Variants in AMY2A observed in about 807,000 individuals in gnomAD.
The protein encoded by AMY2A is pancreatic alpha-amylase.
In AMY2A, 16 loss-of-function variants were observed where a neutral mutation model predicts 43.0. The ratio of observed to expected loss-of-function variants is 0.37; its 90% confidence interval spans 0.25 to 0.56. The LOEUF (loss-of-function observed/expected upper bound fraction) is 0.56. Among genes scored for constraint, AMY2A ranks in the 20% least tolerant of loss-of-function variants. AMY2A has a pLI of 0.77. For synonymous variants in AMY2A, 70 were observed against 144.6 expected (o/e 0.48, Z 3.70); for missense variants, 212 against 456.8 (o/e 0.46, Z 4.89).
In AMY2A at chr1:103,618,006, G is replaced by C. The variant is rs751752481; in HGVS notation, c.221G>C (p.Trp74Ser). Residue 74 changes from tryptophan (W) to serine (S), a missense_variant, in exon 2 of 10, where the codon TGG becomes TCG. Around this residue, in one of 2 missense-constraint regions of AMY2A, gnomAD observed 199 missense variants for 210.6 expected, o/e 0.94. Transcript: ENST00000414303. ...ATTTACAACCCTTTCAGACCTTGGT[G>C]GGAAAGATACCAACCAGTTAGCTAT... is the stretch of plus-strand genomic sequence containing the variant. ...VAIYNPFRPW[W>S]ERYQPVSYKL... is the part of the protein sequence containing the mutation. 40 of 1,600,426 alleles carry C rather than the reference G, an allele frequency of 2.5e-5. 1 individual carries two copies. Among genetic ancestry groups the C allele is most frequent in the Non-Finnish European group, 3.4e-5 (40 of 1,170,684 alleles).
rs12024278 is a variant in AMY2A at position 103,623,105 on chromosome 1, C to T, written c.1102-761C>T. On this transcript the variant is annotated intron_variant, in intron 7 of 9. Transcript: ENST00000414303. Reference sequence around the variant, plus strand: ...TCTAATATTTATTCAGCACATGTCACATTCAAGGCATTTTCACATATATTA... The same window carrying T: ...TCTAATATTTATTCAGCACATGTCATATTCAAGGCATTTTCACATATATTA... 2.4e-4 allele frequency among the ~76,000 whole-genome samples: 24 copies of T among 99,922 alleles called. No individual in the cohort carries two copies. The South Asian group carries it at 3.9e-3, about 16-fold the overall frequency. The allele number at this position is 99,922 out of a possible 152,430, so 65.6% of individuals were successfully genotyped here. A position where few individuals can be genotyped will look rare whatever the true frequency, so the allele number is the denominator to read the frequency against.
At chr1:103,623,328 G>A (rs559395706) in intron 7 of AMY2A, among the ~76,000 whole-genome samples, 1 of 135,044 alleles carries the variant, frequency 7.4e-6, no homozygotes, top group East Asian at 1.9e-4. Flanking sequence ...AGAAGCTCTT[G>A]CAGGCCAGGT....
chr1:103,619,027 CCCA>C lies in AMY2A; in HGVS notation c.433_435del (p.Pro145del). 1.5e-6 allele frequency: 2 copies of C among 1,313,122 alleles called. No homozygotes were observed. Among genetic ancestry groups the C allele is most frequent in the South Asian group, 2.9e-5 (2 of 68,614 alleles). The allele number at this position is 1,313,122 out of a possible 1,614,324, so 81.3% of individuals were successfully genotyped here. On this transcript the variant is annotated inframe_deletion, in exon 3 of 10. Transcript: ENST00000414303. ...CTGGAAGTAGGGACTTTCCAGCAGT[CCCA>C]TATTCTGGATGGGATTTCAATGATG...
At chr1:103,620,213 A>G (rs1570668712) in intron 4 of AMY2A, among the ~76,000 whole-genome samples, 1 of 139,146 alleles carries the variant, frequency 7.2e-6, no homozygotes, top group African/African-American at 2.6e-5. Flanking sequence ...GAATATAAGA[A>G]TATTACCTGT....
At chr1:103,618,214 T>A (rs1372971780) in intron 2 of AMY2A, 114 bp downstream of exon 2, 4 of 1,446,004 alleles carry the variant, frequency 2.8e-6, no homozygotes, top group Non-Finnish European at 3.7e-6. Flanking sequence ...TTAATTTTAC[T>A]TCATAATTTA....
rs763617994 is a variant in AMY2A, at chr1:103,619,085, G to A, written c.490G>A (p.Glu164Lys). The A allele has an allele frequency of 3.9e-5, 47 of 1,191,210 alleles. 1 individual carries two copies. Among genetic ancestry groups the A allele is most frequent in the Middle Eastern group, 2.8e-4 (1 of 3,534 alleles). The allele number at this position is 1,191,210 out of a possible 1,614,324, so 73.8% of individuals were successfully genotyped here. A position where few individuals can be genotyped will look rare whatever the true frequency, so the allele number is the denominator to read the frequency against. ...GKCKTGSGDI[E>K]NYNDATQVRD... is the part of the protein sequence containing the mutation. ...ATGTAAAACTGGAAGTGGAGATATC[G>A]AGAACTACAATGATGCTACTCAGGT... Residue 164 changes from glutamate to lysine, a missense_variant, in exon 3 of 10, where the codon GAG (glutamate) becomes AAG (lysine). By Grantham distance (56) the Glu-to-Lys change is moderately conservative. Transcript: ENST00000414303.
chr1:103,617,911 G>A (rs368762960), intron 1 of AMY2A, 43 bp from the exon 2 acceptor site: 8 of 1,599,696 alleles, frequency 5.0e-6, no homozygotes, highest in Non-Finnish European at 6.0e-6. Flanking sequence ...ATGATACACA[G>A]TAAGACAGAA....
At chr1:103,618,598 C>T (rs1349722323) in intron 2 of AMY2A, among the ~76,000 whole-genome samples, 4 of 150,644 alleles carry the variant, frequency 2.7e-5, no homozygotes, top group Non-Finnish European at 4.5e-5. Context: ...ATTTCCAAAA[C>T]AATAACCTTT....
At chr1:103,619,851 T>C (rs752212660) in intron 4 of AMY2A, 67 bp downstream of exon 4, 34 of 1,589,008 alleles carry the variant, frequency 2.1e-5, no homozygotes, top group African/African-American at 2.7e-5. Context: ...GAAGATTTAA[T>C]TAAAAATGCA....
At chr1:103,617,152 G>C (rs1653098284), upstream of AMY2A, 7 of 976,086 alleles carry the variant, frequency 7.2e-6, no homozygotes, top group Non-Finnish European at 9.8e-6. Flanking sequence ...GTTTTCTACT[G>C]TTATGTGAGA....
chr1:103,616,932 C>G, upstream of AMY2A: 2 of 982,726 alleles, frequency 2.0e-6, no homozygotes, highest in Non-Finnish European at 2.5e-6. Context: ...TTGTTTCTGT[C>G]CTGTCAGTCT....
rs946979954 is a variant in AMY2A, at chr1:103,618,218, T to C, written c.315+118T>C. 12 of 1,433,628 alleles carry C rather than the reference T, an allele frequency of 8.4e-6. No individual in the cohort carries two copies. The African/African-American group carries it at 1.7e-4, about 21-fold the overall frequency. 88.8% of individuals were successfully genotyped at this position (1,433,628 alleles called of 1,614,324 possible). On this transcript the variant is annotated intron_variant, in intron 2 of 9. Coordinates refer to ENST00000414303, the MANE Select transcript of AMY2A (RefSeq NM_000699.4). ...ATTTTATTTTTTTAATTTTACTTCA[T>C]AATTTAAAACTCAAAATTAACTGTT... is the stretch of plus-strand genomic sequence containing the variant.
rs1414725900 is a variant in AMY2A, at chr1:103,619,108, G to A, written c.513G>A (p.Gln171=). The change falls in exon 3 of 10, where the codon CAG becomes CAA. Residue 171 remains glutamine, a splice_region_variant and synonymous_variant. Transcript: ENST00000414303. ...GDIENYNDAT[Q]VRDCRLTGLL... is the part of the protein sequence containing the mutation. ...TCGAGAACTACAATGATGCTACTCA[G>A]GTAATTTTTTTACGAGAGTGATCTG... 1 of 1,045,430 alleles carries A rather than the reference G, an allele frequency of 9.6e-7. No individual in the cohort carries two copies. The highest frequency in any genetic ancestry group is 1.3e-6 in the Non-Finnish European group (1 of 743,206). The allele number at this position is 1,045,430 out of a possible 1,614,324, so 64.8% of individuals were successfully genotyped here.
intron 1 of AMY2A, 129 bp downstream of exon 1, chr1:103,617,737 G>C: frequency 6.4e-7 from 1 of 1,556,176 alleles, no homozygotes; most frequent in South Asian, 1.2e-5. Context: ...AGAGATTTCT[G>C]AGGGAAAATC....
chr1:103,616,861 A>T, upstream of AMY2A: 1 of 402,008 alleles, frequency 2.5e-6, no homozygotes. Context: ...ACAGGGTATT[A>T]ATGTGTCAGG....
At position 103,618,268 on chromosome 1, in the gene AMY2A, A is replaced by G. The variant is rs541979838; in HGVS notation, c.315+168A>G. On this transcript the variant is annotated intron_variant, in intron 2 of 9. Coordinates refer to ENST00000414303, the MANE Select transcript of AMY2A (RefSeq NM_000699.4). ...TTATTTATGTTCAACTTTTGTGAAT[A>G]TTTGTGTGTGTGCTATCTACTAAAG... Among the ~76,000 whole-genome samples the G allele has an allele frequency of 1.3e-4, 19 of 150,786 alleles. 1 individual carries two copies. Among genetic ancestry groups the G allele is most frequent in the South Asian group, 4.2e-4 (2 of 4,782 alleles).
chr1:103,617,880 G>T lies in AMY2A; in HGVS notation c.169-74G>T, dbSNP rs113810263. On this transcript the variant is annotated intron_variant, in intron 1 of 9. Coordinates refer to ENST00000414303, the MANE Select transcript of AMY2A (RefSeq NM_000699.4). ...AGATTCAAGAATCTTTTATACTATT[G>T]ATTAGTTTCTAGAACATTCAATGAT... The T allele has an allele frequency of 4.0e-5, 64 of 1,591,606 alleles. 4 individuals carry two copies. The South Asian group carries it at 7.2e-4, about 18-fold the overall frequency.
At position 103,617,571 on chromosome 1, in the gene AMY2A, A is replaced by T. The variant is rs1363719971; in HGVS notation, c.131A>T (p.Glu44Val). ...TGGGTTGATATTGCTCTTGAATGTG[A>T]GCGATATTTAGCTCCGAAGGGATTT... ...WRWVDIALEC[E>V]RYLAPKGFGG... The change falls in exon 1 of 10, where the codon GAG becomes GTG. Residue 44 changes from glutamate to valine, a missense_variant. By Grantham distance (121) the Glu-to-Val change is moderately radical. Around this residue, in one of 2 missense-constraint regions of AMY2A, gnomAD observed 199 missense variants for 210.6 expected, o/e 0.94. Transcript: ENST00000414303. 3 of 1,600,676 alleles carry T rather than the reference A, an allele frequency of 1.9e-6. No individual in the cohort carries two copies. The African/African-American group carries it at 4.0e-5, about 21-fold the overall frequency.
In AMY2A at chr1:103,618,964, T is replaced by A. The variant is rs1390018344; in HGVS notation, c.369T>A (p.Ser123Arg). Residue 123 changes from serine (S) to arginine (R), a missense_variant, in exon 3 of 10, where the codon AGT becomes AGA. Physicochemically the swap from Ser to Arg is moderately radical, Grantham distance 110. Around this residue, in one of 2 missense-constraint regions of AMY2A, gnomAD observed 199 missense variants for 210.6 expected, o/e 0.94. Transcript: ENST00000414303. ...VINHMCGNAVSAGTSSTCGSY... is the reference protein window; with the variant it reads ...VINHMCGNAVRAGTSSTCGSY... Reference sequence around the variant, plus strand: ...ATCATATGTGTGGTAACGCTGTGAGTGCAGGAACAAGCAGTACCTGTGGAA... The same window carrying A: ...ATCATATGTGTGGTAACGCTGTGAGAGCAGGAACAAGCAGTACCTGTGGAA... 3 of 1,423,602 alleles carry A rather than the reference T, an allele frequency of 2.1e-6. No homozygotes were observed. In the East Asian group the frequency reaches 7.0e-5, roughly 33 times the overall value. 88.2% of individuals were successfully genotyped at this position (1,423,602 alleles called of 1,614,324 possible).
Sources: allele counts gnomAD v4.1 joint callset (sites outside exome capture counted in the v4.1 genomes callset), GRCh38; gene constraint gnomAD v4.1.1; regional missense constraint gnomAD v4.1.1; transcripts MANE v1.5; gene names NCBI Gene and HGNC (gene_info 2026-07-23, HGNC 2026-07-21).